The following MLLT3 variants were observed in gnomAD, a reference collection of about 807,000 sequenced individuals.
The protein encoded by MLLT3 is MLLT3 super elongation complex subunit.
A neutral mutation model predicts 53.2 loss-of-function variants in MLLT3; 4 were observed. The observed-to-expected ratio is 0.08, with a 90% CI of 0.04 to 0.17. The LOEUF (loss-of-function observed/expected upper bound fraction) is 0.17, where lower values mean the gene tolerates loss of function less well. Ranked by LOEUF, MLLT3 falls within the 10% of genes least tolerant of loss-of-function variation. The probability of loss-of-function intolerance (pLI) is 1.00; values close to 1 mark genes in which losing one functional copy is unlikely to be tolerated. For missense variants in MLLT3, 569 were observed against 684.0 expected (o/e 0.83, Z 1.87); for synonymous variants, 283 against 230.6 (o/e 1.23, Z -2.06).
rs553317982 is a variant in MLLT3 at position 20,535,765 on chromosome 9, C to G, written c.194-78979G>C. On this transcript the variant is annotated intron_variant, in intron 2 of 10. Coordinates refer to ENST00000380338, the MANE Select transcript of MLLT3 (RefSeq NM_004529.4). ...GAGACATTAGCTGATCCTCTCAACT[C>G]CCACATGTCCCACATCCTCAATGAC... Among the ~76,000 whole-genome samples, 3 of 152,250 alleles carry G rather than the reference C, an allele frequency of 2.0e-5. No individual in the cohort carries two copies. The East Asian group carries it at 5.8e-4, about 29-fold the overall frequency.
chr9:20,355,406 T>A (rs895228394), intron 8 of MLLT3, among the ~76,000 whole-genome samples: 3 of 152,258 alleles, frequency 2.0e-5, no homozygotes, highest in African/African-American at 7.2e-5. Context: ...GATGGCCGAC[T>A]ATCTTCTGTG....
chr9:20,343,270 A>G lies in MLLT3; in HGVS notation c.*3173T>C. The G allele has an allele frequency of 5.2e-6, 1 of 192,186 alleles. No individual in the cohort carries two copies. Among genetic ancestry groups the G allele is most frequent in the Non-Finnish European group, 1.1e-5 (1 of 94,338 alleles). The allele number at this position is 192,186 out of a possible 1,614,324, so 11.9% of individuals were successfully genotyped here. A position where few individuals can be genotyped will look rare whatever the true frequency, so the allele number is the denominator to read the frequency against. On this transcript the variant is annotated 3_prime_UTR_variant, in exon 11 of 11. Coordinates refer to ENST00000380338, the MANE Select transcript of MLLT3 (RefSeq NM_004529.4). ...CAATATTACTGGCTCTTTCCACCAA[A>G]AGGTGAATATTCAGATTAGAGAGAT...
intron 2 of MLLT3, among the ~76,000 whole-genome samples, chr9:20,504,057 T>C (rs1338308974): frequency 6.6e-6 from 1 of 152,136 alleles, no homozygotes; most frequent in East Asian, 1.9e-4. Flanking sequence ...GATAGATTTT[T>C]GCAAGGATAT....
intron 2 of MLLT3, among the ~76,000 whole-genome samples, chr9:20,560,169 C>G (rs1819165454): frequency 6.6e-6 from 1 of 151,864 alleles, no homozygotes; most frequent in Non-Finnish European, 1.5e-5. Flanking sequence ...GAATTATAAG[C>G]CTGGGAAATA....
At chr9:20,409,112 T>C (rs757248888) in intron 5 of MLLT3, among the ~76,000 whole-genome samples, 3 of 152,230 alleles carry the variant, frequency 2.0e-5, no homozygotes, top group Non-Finnish European at 4.4e-5. Context: ...TTGCCAAATG[T>C]AATTTGTCCA....
chr9:20,406,326 C>T (rs1044504348), intron 5 of MLLT3, among the ~76,000 whole-genome samples: 1 of 152,084 alleles, frequency 6.6e-6, no homozygotes, highest in African/African-American at 2.4e-5. Flanking sequence ...AAGACCAGCT[C>T]AAATTCTAAC....
At chr9:20,500,344 G>A (rs528290885) in intron 2 of MLLT3, among the ~76,000 whole-genome samples, 56 of 152,278 alleles carry the variant, frequency 3.7e-4, no homozygotes, top group Middle Eastern at 3.4e-3. Context: ...ACTGAACACC[G>A]TATTTCAACA....
At chr9:20,545,324 T>C (rs1335817054) in intron 2 of MLLT3, among the ~76,000 whole-genome samples, 1 of 152,124 alleles carries the variant, frequency 6.6e-6, no homozygotes, top group Non-Finnish European at 1.5e-5. Context: ...AAATACCACA[T>C]GATCCCACTT....
chr9:20,608,749 T>C (rs1414349894), intron 2 of MLLT3, among the ~76,000 whole-genome samples: 1 of 151,984 alleles, frequency 6.6e-6, no homozygotes, highest in Non-Finnish European at 1.5e-5. Flanking sequence ...AAAATCTTAT[T>C]GTAAATGTGC....
chr9:20,527,176 T>C (rs1487371696), intron 2 of MLLT3, among the ~76,000 whole-genome samples: 2 of 152,098 alleles, frequency 1.3e-5, no homozygotes. Flanking sequence ...ATAATCAATT[T>C]AAGGTTATTG....
rs529391727 is a variant in MLLT3, at chr9:20,492,550, A to G, written c.194-35764T>C. Among the ~76,000 whole-genome samples, 198 of 152,066 alleles carry G rather than the reference A, an allele frequency of 1.3e-3. 2 individuals are homozygous for G. Among genetic ancestry groups the G allele is most frequent in the Non-Finnish European group, 1.9e-3 (131 of 67,844 alleles). On this transcript the variant is annotated intron_variant, in intron 2 of 10. Transcript: ENST00000380338. ...AATAAAATCATGAAAACATCACTTC[A>G]TTACTTCCCACACACATTAATTCTA...
intron 2 of MLLT3, among the ~76,000 whole-genome samples, chr9:20,530,999 C>T (rs998126262): frequency 1.3e-5 from 2 of 151,104 alleles, no homozygotes; most frequent in African/African-American, 4.9e-5. Context: ...TAATTTAATT[C>T]ATCTACTTAT....
chr9:20,456,067 T>C (rs543652452), intron 3 of MLLT3, among the ~76,000 whole-genome samples: 6 of 152,042 alleles, frequency 3.9e-5, no homozygotes, highest in African/African-American at 1.4e-4. Flanking sequence ...GCCTCCTATG[T>C]AGCTGTAATT....
rs188529830 is a variant in MLLT3, at chr9:20,456,111, G to C, written c.276+593C>G. On this transcript the variant is annotated intron_variant, in intron 3 of 10. Transcript: ENST00000380338. ...CCACCACCATACTCGGCTAATTTTT[G>C]TATTTTTAGTAGAGACGAGGTTTCA... 2.9e-3 allele frequency among the ~76,000 whole-genome samples: 442 copies of C among 152,008 alleles called. 6 individuals carry two copies. In the East Asian group the frequency reaches 0.033, roughly 11 times the overall value.
At chr9:20,459,758 C>A (rs544120957) in intron 2 of MLLT3, among the ~76,000 whole-genome samples, 3 of 152,040 alleles carry the variant, frequency 2.0e-5, no homozygotes, top group Non-Finnish European at 4.4e-5. Flanking sequence ...TGACTTGCTA[C>A]GTACTAATAT....
intron 4 of MLLT3, among the ~76,000 whole-genome samples, chr9:20,421,317 T>C (rs998790357): frequency 6.6e-6 from 1 of 151,486 alleles, no homozygotes; most frequent in African/African-American, 2.4e-5. Flanking sequence ...AAGAAAACAA[T>C]GAAAATAGCA....
intron 2 of MLLT3, among the ~76,000 whole-genome samples, chr9:20,474,466 C>T (rs979157423): frequency 4.6e-5 from 7 of 152,030 alleles, no homozygotes; most frequent in Non-Finnish European, 7.4e-5. Context: ...TATAAATGGA[C>T]CTACCCTATC....
At position 20,488,883 on chromosome 9, in the gene MLLT3, A is replaced by G. The variant is rs564286666; in HGVS notation, c.194-32097T>C. On this transcript the variant is annotated intron_variant, in intron 2 of 10. Transcript: ENST00000380338. ...AAAGGCATTCTTGAAAAGACTCACC[A>G]TGTGAATGCCCAGCCAGCCTCTGTA... Among the ~76,000 whole-genome samples, 5 of 152,330 alleles carry G rather than the reference A, an allele frequency of 3.3e-5. No homozygotes were observed. In the South Asian group the frequency reaches 1.0e-3, roughly 32 times the overall value.
intron 5 of MLLT3, among the ~76,000 whole-genome samples, chr9:20,405,782 T>C (rs2118756335): frequency 6.6e-6 from 1 of 152,244 alleles, no homozygotes; most frequent in South Asian, 2.1e-4. Flanking sequence ...TGTCATCAAT[T>C]GTTTGTGTTT....
Sources: gnomAD v4.1 joint callset for allele counts (sites outside exome capture counted in the v4.1 genomes callset) on GRCh38, gnomAD v4.1.1 for gene constraint, MANE v1.5 for transcripts, NCBI Gene and HGNC (gene_info 2026-07-23, HGNC 2026-07-21) for gene names.